LOC400499: variants seen among roughly 807,000 people sequenced by gnomAD.
At chr16:11,458,362 G>T in the LOC400499 span, among the ~76,000 whole-genome samples, 1 of 152,070 alleles carries the variant, frequency 6.6e-6, no homozygotes, top group Admixed American at 6.5e-5. Context: ...AAAATTAGCC[G>T]TGTGTGGTGG....
chr16:11,498,244 G>T, the LOC400499 span, among the ~76,000 whole-genome samples: 1 of 152,200 alleles, frequency 6.6e-6, no homozygotes, highest in East Asian at 1.9e-4. Flanking sequence ...ACTTTGGGAG[G>T]CCGAAGCAGG....
chr16:11,525,255 G>C, the LOC400499 span, among the ~76,000 whole-genome samples: 24 of 147,876 alleles, frequency 1.6e-4, no homozygotes, highest in Admixed American at 4.8e-4. Flanking sequence ...TGGTGCGATC[G>C]TATTCCAGCC....
At chr16:11,445,038 G>A in the LOC400499 span, among the ~76,000 whole-genome samples, 1 of 151,464 alleles carries the variant, frequency 6.6e-6, no homozygotes, top group African/African-American at 2.4e-5. Flanking sequence ...ACAGTGAGCT[G>A]AGATTGTGCC....
At chr16:11,481,266 G>C in the LOC400499 span, among the ~76,000 whole-genome samples, 3 of 152,180 alleles carry the variant, frequency 2.0e-5, no homozygotes, top group Non-Finnish European at 1.5e-5. Flanking sequence ...AAATGTTCTG[G>C]AACGAGACAG....
the LOC400499 span, among the ~76,000 whole-genome samples, chr16:11,503,073 C>A: frequency 6.6e-6 from 1 of 151,910 alleles, no homozygotes; most frequent in Non-Finnish European, 1.5e-5. Flanking sequence ...TGGTGTGCAT[C>A]ACCACGCTCA....
the LOC400499 span, among the ~76,000 whole-genome samples, chr16:11,498,592 C>G: frequency 6.6e-6 from 1 of 152,136 alleles, no homozygotes; most frequent in African/African-American, 2.4e-5. Flanking sequence ...CTTCCCACCC[C>G]CCTCCTCTCC....
At chr16:11,493,109 G>A in the LOC400499 span, among the ~76,000 whole-genome samples, 1 of 152,138 alleles carries the variant, frequency 6.6e-6, no homozygotes, top group African/African-American at 2.4e-5. Flanking sequence ...AGGCCCAGAG[G>A]TCAGATCCCT....
chr16:11,376,651 C>G, the LOC400499 span, among the ~76,000 whole-genome samples: 5 of 152,108 alleles, frequency 3.3e-5, no homozygotes, highest in Non-Finnish European at 7.3e-5. Flanking sequence ...TCTTTGTTTT[C>G]AAGATTGTTT....
the LOC400499 span, among the ~76,000 whole-genome samples, chr16:11,483,394 C>T: frequency 6.6e-6 from 1 of 152,116 alleles, no homozygotes; most frequent in Non-Finnish European, 1.5e-5. Flanking sequence ...ACCCTGGAAA[C>T]AGCTCGAATG....
the LOC400499 span, among the ~76,000 whole-genome samples, chr16:11,521,435 C>T: frequency 6.6e-6 from 1 of 152,166 alleles, no homozygotes; most frequent in Non-Finnish European, 1.5e-5. Flanking sequence ...GGGCCTAGCT[C>T]ATAATTCTGC....
At chr16:11,441,893 A>C in the LOC400499 span, among the ~76,000 whole-genome samples, 1 of 152,244 alleles carries the variant, frequency 6.6e-6, no homozygotes, top group Non-Finnish European at 1.5e-5. Flanking sequence ...TCTGAATTCC[A>C]AAACTGTAAA....
At chr16:11,441,977 T>G in the LOC400499 span, among the ~76,000 whole-genome samples, 16 of 152,336 alleles carry the variant, frequency 1.1e-4, no homozygotes, top group Admixed American at 8.5e-4. Context: ...ACACAATTAC[T>G]CCATCATTTA....
At chr16:11,452,124 T>A in the LOC400499 span, among the ~76,000 whole-genome samples, 2 of 152,136 alleles carry the variant, frequency 1.3e-5, no homozygotes, top group Non-Finnish European at 2.9e-5. Context: ...AAAGATCTTA[T>A]TTCACTTTAT....
chr16:11,415,889 T>A, the LOC400499 span, among the ~76,000 whole-genome samples: 7 of 152,070 alleles, frequency 4.6e-5, no homozygotes, highest in Admixed American at 2.6e-4. Context: ...CCCCATGTGA[T>A]CCTGTCCTCT....
At chr16:11,444,056 G>A in the LOC400499 span, among the ~76,000 whole-genome samples, 5 of 151,920 alleles carry the variant, frequency 3.3e-5, no homozygotes, top group South Asian at 2.1e-4. Context: ...GGCCAGGCTG[G>A]TCTCGAACAC....
the LOC400499 span, among the ~76,000 whole-genome samples, chr16:11,386,684 G>C: frequency 1.4e-4 from 21 of 152,338 alleles, no homozygotes; most frequent in East Asian, 4.0e-3. Context: ...TGGCCACACA[G>C]CATTTCATGG....
At chr16:11,515,905 AGCCCAGCCTAGCCCAGCACT>A in the LOC400499 span, 1 of 141,354 alleles carries the variant, frequency 7.1e-6, no homozygotes, top group Non-Finnish European at 1.2e-5. Context: ...AGCCCAGCCC[AGCCCAGCCTAGCCCAGCACT>A]TACAGCCACT....
the LOC400499 span, among the ~76,000 whole-genome samples, chr16:11,499,059 G>A: frequency 1.1e-5 from 1 of 93,062 alleles, no homozygotes; most frequent in Non-Finnish European, 2.2e-5. Context: ...AAAGGAGGAA[G>A]GGGGGGAGGG....
At chr16:11,466,096 C>T in the LOC400499 span, among the ~76,000 whole-genome samples, 3 of 152,238 alleles carry the variant, frequency 2.0e-5, no homozygotes, top group African/African-American at 4.8e-5. Context: ...CGGACTATTA[C>T]ACAGCAATTT....
Sources: gnomAD v4.1 joint callset for allele counts (sites outside exome capture counted in the v4.1 genomes callset) on GRCh38, gnomAD v4.1.1 for gene constraint, MANE v1.5 for transcripts.